Variants in NSD2 observed in about 807,000 individuals in gnomAD.
The protein encoded by NSD2 is nuclear receptor binding SET domain protein 2, also known as histone-lysine N-methyltransferase NSD2.
A neutral mutation model predicts 139.0 loss-of-function variants in NSD2; 12 were observed. The observed-to-expected ratio is 0.09, with a 90% CI of 0.06 to 0.14. NSD2 has a LOEUF of 0.14. NSD2 is among the 10% of genes least tolerant of loss of function. The pLI is 1.00. For synonymous variants in NSD2, 669 were observed against 648.7 expected (o/e 1.03, Z -0.48); for missense variants, 1,155 against 1,745.0 (o/e 0.66, Z 6.02).
intron 1 of NSD2, among the ~76,000 whole-genome samples, chr4:1,880,158 G>A (rs1158649546): frequency 6.6e-6 from 1 of 152,002 alleles, no homozygotes; most frequent in African/African-American, 2.4e-5. Flanking sequence ...TCCAAAATTC[G>A]GAGTTGGTGT....
rs547939196 is a variant in NSD2, at chr4:1,968,392, C to T, written c.3373-6471C>T. 2.6e-5 allele frequency among the ~76,000 whole-genome samples: 4 copies of T among 152,252 alleles called. No individual in the cohort carries two copies. The East Asian group carries it at 5.8e-4, about 22-fold the overall frequency. ...TAATGGTCACAGGGAGCACCGGGAG[C>T]GTGGTGACGCCAGGGTGAGCTGCTT... On this transcript the variant is annotated intron_variant, in intron 18 of 21. Coordinates refer to ENST00000508803, the MANE Select transcript of NSD2 (RefSeq NM_001042424.3).
Position 1,940,933 on chromosome 4 carries a change from AG to A in NSD2, c.1881+1158del, listed in dbSNP as rs903232309. The A allele has an allele frequency of 3.3e-5, 35 of 1,056,792 alleles. No individual in the cohort carries two copies. The Admixed American group carries it at 1.3e-3, about 39-fold the overall frequency. The allele number at this position is 1,056,792 out of a possible 1,614,324, so 65.5% of individuals were successfully genotyped here. ...CACTCCTCCGAGTGGGATTTTCTGC[AG>A]GGACTCAAACCAACTCAGTGGTGGT... On this transcript the variant is annotated intron_variant, in intron 9 of 21. Coordinates refer to ENST00000508803, the MANE Select transcript of NSD2 (RefSeq NM_001042424.3).
rs571199840 is a variant in NSD2, at chr4:1,974,744, C to T, written c.3373-119C>T. ...CTGTCTCAGTGGACACAGGACACCA[C>T]GGTTTTCAGTACAACAAGGAACACA... On this transcript the variant is annotated intron_variant, in intron 18 of 21. Transcript: ENST00000508803. This position sits in a 1 kb window ranked among gnomAD's most constrained non-coding sequence, Gnocchi z 4.0. 7.0e-6 allele frequency: 10 copies of T among 1,436,420 alleles called. No individual in the cohort carries two copies. Among genetic ancestry groups the T allele is most frequent in the Admixed American group, 6.7e-5 (4 of 59,392 alleles). The allele number at this position is 1,436,420 out of a possible 1,614,324, so 89.0% of individuals were successfully genotyped here.
rs2109020347 is a variant in NSD2, at chr4:1,974,869, A to G, written c.3379A>G (p.Ile1127Val). The G allele has an allele frequency of 6.2e-7, 1 of 1,614,254 alleles. No homozygotes were observed. The highest frequency in any genetic ancestry group is 8.5e-7 in the Non-Finnish European group (1 of 1,180,048). The change falls in exon 19 of 22, where the codon ATA becomes GTA. Residue 1127 changes from isoleucine (I) to valine (V), a missense_variant. Physicochemically the swap from Ile to Val is conservative, Grantham distance 29. Coordinates refer to ENST00000508803, the MANE Select transcript of NSD2 (RefSeq NM_001042424.3). This position sits in a 1 kb window ranked among gnomAD's most constrained non-coding sequence, Gnocchi z 4.0. ...ATATCACTTGACCTTACAGGACCGT[A>G]TAATAGACGCTGGCCCCAAAGGAAA... Reference protein sequence around the residue: ...FYMLTIDKDRIIDAGPKGNYS... With the variant: ...FYMLTIDKDRVIDAGPKGNYS...
At position 1,942,003 on chromosome 4, in the gene NSD2, C is replaced by T; in HGVS notation, c.1881+2225C>T. The T allele has an allele frequency of 8.9e-7, 1 of 1,128,730 alleles. No homozygotes were observed. Among genetic ancestry groups the T allele is most frequent in the South Asian group, 3.1e-5 (1 of 32,354 alleles). 69.9% of individuals were successfully genotyped at this position (1,128,730 alleles called of 1,614,324 possible). ...GTTTGAGGTCCACACTGACACACAC[C>T]CATTGGGTCACACCCCCTTTGCATG... On this transcript the variant is annotated intron_variant, in intron 9 of 21. Coordinates refer to ENST00000508803, the MANE Select transcript of NSD2 (RefSeq NM_001042424.3). The surrounding 1 kb of genome is among the most constrained non-coding windows in gnomAD (Gnocchi z 4.0).
At chr4:1,931,393 G>A (rs1005559232) in intron 6 of NSD2, among the ~76,000 whole-genome samples, 5 of 152,174 alleles carry the variant, frequency 3.3e-5, no homozygotes. Flanking sequence ...AGGAGGGAGA[G>A]CTGACATTGT....
intron 18 of NSD2, among the ~76,000 whole-genome samples, chr4:1,969,065 A>G (rs1236292261): frequency 1.3e-5 from 2 of 152,238 alleles, no homozygotes; most frequent in Non-Finnish European, 2.9e-5. Context: ...ACCCGGACAC[A>G]GGGGGTGCAG....
At chr4:1,889,786 C>G (rs978411732) in intron 1 of NSD2, among the ~76,000 whole-genome samples, 3 of 151,854 alleles carry the variant, frequency 2.0e-5, no homozygotes, top group African/African-American at 7.3e-5. Flanking sequence ...GGATTACAGG[C>G]GTGAGCCACT....
intron 9 of NSD2, chr4:1,943,007 AC>A: frequency 9.5e-7 from 1 of 1,051,172 alleles, no homozygotes; most frequent in South Asian, 4.6e-5. Context: ...ATTATTGTGA[AC>A]CATTTAACCC....
chr4:1,978,917 C>G lies in NSD2; in HGVS notation c.*8C>G. 1 of 1,496,158 alleles carries G rather than the reference C, an allele frequency of 6.7e-7. No individual in the cohort carries two copies. Among genetic ancestry groups the G allele is most frequent in the Non-Finnish European group, 8.9e-7 (1 of 1,120,412 alleles). The allele number at this position is 1,496,158 out of a possible 1,614,324, so 92.7% of individuals were successfully genotyped here. A position where few individuals can be genotyped will look rare whatever the true frequency, so the allele number is the denominator to read the frequency against. On this transcript the variant is annotated 3_prime_UTR_variant, in exon 22 of 22. Transcript: ENST00000508803. ...GTCACAGAGGGCAAATAGCGCCAGG[C>G]GGCCGCTTGGCCGGATCCAGGGGCG...
At chr4:1,945,590 G>A in intron 9 of NSD2, 1 of 1,065,492 alleles carries the variant, frequency 9.4e-7, no homozygotes, top group Middle Eastern at 4.2e-4. Flanking sequence ...GTGAGTGTGT[G>A]GCACCTGTGA....
intron 1 of NSD2, among the ~76,000 whole-genome samples, chr4:1,885,295 G>C (rs1400892580): frequency 6.6e-6 from 1 of 152,120 alleles, no homozygotes; most frequent in Non-Finnish European, 1.5e-5. Context: ...AATCAGTAAA[G>C]GGCAGAAACA....
At chr4:1,931,717 A>G (rs544397336) in intron 6 of NSD2, among the ~76,000 whole-genome samples, 5 of 152,300 alleles carry the variant, frequency 3.3e-5, no homozygotes, top group South Asian at 4.1e-4. Context: ...AGATCTCTTC[A>G]TCAGCTATCT....
chr4:1,955,530 T>C lies in NSD2; in HGVS notation c.2519-163T>C. 8.1e-7 allele frequency: 1 copy of C among 1,229,494 alleles called. No homozygotes were observed. Among genetic ancestry groups the C allele is most frequent in the Non-Finnish European group, 1.1e-6 (1 of 912,122 alleles). 76.2% of individuals were successfully genotyped at this position (1,229,494 alleles called of 1,614,324 possible). A position where few individuals can be genotyped will look rare whatever the true frequency, so the allele number is the denominator to read the frequency against. On this transcript the variant is annotated intron_variant, in intron 13 of 21. Coordinates refer to ENST00000508803, the MANE Select transcript of NSD2 (RefSeq NM_001042424.3). The surrounding 1 kb of genome is among the most constrained non-coding windows in gnomAD (Gnocchi z 4.7). ...ATTTCGCAAACATACAGGAAATTAT[T>C]TGTGGTGAAAATGACATTTGCTCTC...
At chr4:1,899,951 TA>T (rs1716936079) in intron 1 of NSD2, among the ~76,000 whole-genome samples, 1 of 152,356 alleles carries the variant, frequency 6.6e-6, no homozygotes, top group Admixed American at 6.5e-5. Flanking sequence ...TGGACTGAGA[TA>T]AGAATACTGG....
chr4:1,904,023 C>T (rs1210281282), intron 2 of NSD2, among the ~76,000 whole-genome samples, 193 bp from the exon 3 acceptor site: 6 of 152,156 alleles, frequency 3.9e-5, no homozygotes, highest in African/African-American at 9.7e-5. Flanking sequence ...CGTGAGCCAC[C>T]GCACCTGGCC....
intron 9 of NSD2, chr4:1,943,589 G>C (rs1002895247): frequency 9.5e-7 from 1 of 1,049,674 alleles, no homozygotes; most frequent in Non-Finnish European, 1.2e-6. Flanking sequence ...GGACTGTATG[G>C]CTGAGGGCTG....
In NSD2 at chr4:1,974,617, CCCTGT is replaced by C; in HGVS notation, c.3373-237_3373-233del. The stretch of plus-strand genomic sequence containing the variant: ...ATGGAGGATGCTGGGAGCTCCAGCT[CCCTGT>C]CCTGTCCTCCCCGGCGCTCACTAAG... On this transcript the variant is annotated intron_variant, in intron 18 of 21. Transcript: ENST00000508803. The surrounding 1 kb of genome is among the most constrained non-coding windows in gnomAD (Gnocchi z 4.0). The C allele has an allele frequency of 1.5e-6, 1 of 657,034 alleles. No individual in the cohort carries two copies. The highest frequency in any genetic ancestry group is 2.9e-5 in the East Asian group (1 of 34,744). 40.7% of individuals were successfully genotyped at this position (657,034 alleles called of 1,614,324 possible). A position where few individuals can be genotyped will look rare whatever the true frequency, so the allele number is the denominator to read the frequency against.
At chr4:1,943,411 T>G in intron 9 of NSD2, 1 of 1,041,738 alleles carries the variant, frequency 9.6e-7, no homozygotes, top group Non-Finnish European at 1.2e-6. Flanking sequence ...GTAATAATGG[T>G]TATAATAATA....
Sources: allele counts gnomAD v4.1 joint callset (sites outside exome capture counted in the v4.1 genomes callset), GRCh38; gene constraint gnomAD v4.1.1; non-coding constraint Gnocchi (gnomAD v3.1); transcripts MANE v1.5; gene names NCBI Gene and HGNC (gene_info 2026-07-23, HGNC 2026-07-21).